The following LRRC4C variants were observed in gnomAD, a reference collection of about 807,000 sequenced individuals.
LRRC4C encodes leucine-rich repeat-containing protein 4C.
Under a neutral mutation model 33.6 loss-of-function variants are expected in LRRC4C, and 5 were observed. The observed-to-expected ratio is 0.15, with a 90% CI of 0.08 to 0.31. The LOEUF is 0.31. Among genes scored for constraint, LRRC4C ranks in the 10% least tolerant of loss-of-function variants. The pLI is 1.00. For missense variants in LRRC4C, 560 were observed against 796.7 expected (o/e 0.70, Z 3.58); for synonymous variants, 329 against 302.0 (o/e 1.09, Z -0.93).
chr11:40,559,994 G>A (rs1435507090), intron 3 of LRRC4C, among the ~76,000 whole-genome samples: 4 of 152,140 alleles, frequency 2.6e-5, no homozygotes, highest in Admixed American at 6.5e-5. Context: ...TCTCCTGAGT[G>A]TCTTGATCTT....
intron 2 of LRRC4C, among the ~76,000 whole-genome samples, chr11:40,897,954 C>T (rs1410478632): frequency 6.6e-6 from 1 of 152,162 alleles, no homozygotes; most frequent in Non-Finnish European, 1.5e-5. Flanking sequence ...GTTCCCAAAA[C>T]TGTTTATGCA....
intron 1 of LRRC4C, among the ~76,000 whole-genome samples, chr11:40,938,871 C>T (rs892311831): frequency 6.6e-6 from 1 of 152,160 alleles, no homozygotes; most frequent in Non-Finnish European, 1.5e-5. Context: ...CTTGCAAATG[C>T]ATCATTTTAG....
At chr11:40,235,991 A>G (rs1175715670) in intron 5 of LRRC4C, among the ~76,000 whole-genome samples, 1 of 152,132 alleles carries the variant, frequency 6.6e-6, no homozygotes, top group Non-Finnish European at 1.5e-5. Context: ...ATGCTGAGAC[A>G]TTATAAAGAA....
intron 3 of LRRC4C, among the ~76,000 whole-genome samples, chr11:40,646,950 T>C (rs1418007957): frequency 6.6e-6 from 1 of 152,192 alleles, no homozygotes; most frequent in Non-Finnish European, 1.5e-5. Context: ...TGAGTGGCTG[T>C]GTTTACCTCA....
intron 2 of LRRC4C, among the ~76,000 whole-genome samples, chr11:40,658,162 T>C (rs1943231950): frequency 6.6e-6 from 1 of 152,196 alleles, no homozygotes; most frequent in Non-Finnish European, 1.5e-5. Flanking sequence ...ATGTGTCCTT[T>C]ATATTATAGG....
chr11:40,831,622 C>T (rs1382882598), intron 2 of LRRC4C, among the ~76,000 whole-genome samples: 1 of 151,930 alleles, frequency 6.6e-6, no homozygotes, highest in Non-Finnish European at 1.5e-5. Context: ...ATACCCGAGA[C>T]TGGGTAAATT....
At chr11:41,296,217 G>C (rs1489861677) in intron 1 of LRRC4C, among the ~76,000 whole-genome samples, 2 of 152,150 alleles carry the variant, frequency 1.3e-5, no homozygotes, top group Non-Finnish European at 2.9e-5. Flanking sequence ...CTTCCGATAG[G>C]ATCTTCCCTG....
intron 5 of LRRC4C, among the ~76,000 whole-genome samples, chr11:40,221,438 A>T (rs1864411281): frequency 6.6e-6 from 1 of 152,132 alleles, no homozygotes; most frequent in Admixed American, 6.6e-5. Flanking sequence ...AATGGTGAAG[A>T]TGCTATTGGG....
At chr11:40,743,483 T>C (rs11036059) in intron 2 of LRRC4C, among the ~76,000 whole-genome samples, 5,236 of 152,132 alleles carry the variant, frequency 0.034, 308 homozygotes, top group African/African-American at 0.12. Context: ...GGGGAAAATC[T>C]CTTTCCTTGC....
At chr11:40,248,697 T>C (rs1866533971) in intron 4 of LRRC4C, among the ~76,000 whole-genome samples, 1 of 152,066 alleles carries the variant, frequency 6.6e-6, no homozygotes, top group African/African-American at 2.4e-5. Flanking sequence ...TAAGACCCTG[T>C]CTTGAAAAAT....
chr11:41,382,975 A>G (rs886332960), intron 1 of LRRC4C, among the ~76,000 whole-genome samples: 1 of 152,122 alleles, frequency 6.6e-6, no homozygotes, highest in Non-Finnish European at 1.5e-5. Context: ...TGCACATGCA[A>G]TGGGTAAGCA....
chr11:40,819,301 A>G (rs1397984459), intron 2 of LRRC4C, among the ~76,000 whole-genome samples: 1 of 152,092 alleles, frequency 6.6e-6, no homozygotes, highest in Non-Finnish European at 1.5e-5. Context: ...CTGGAAATAA[A>G]CCAAAGTCAT....
intron 3 of LRRC4C, among the ~76,000 whole-genome samples, chr11:40,365,906 A>G (rs1346010098): frequency 2.0e-5 from 3 of 152,086 alleles, no homozygotes; most frequent in Non-Finnish European, 4.4e-5. Context: ...ATATGAGAAT[A>G]CATATTACAT....
At chr11:40,927,892 G>A (rs751923536) in intron 2 of LRRC4C, among the ~76,000 whole-genome samples, 7 of 152,092 alleles carry the variant, frequency 4.6e-5, no homozygotes, top group East Asian at 1.9e-4. Context: ...AGACTACCAC[G>A]TATTCATTTT....
chr11:41,359,920 T>C (rs1453983638), intron 1 of LRRC4C, among the ~76,000 whole-genome samples: 1 of 152,164 alleles, frequency 6.6e-6, no homozygotes, highest in Non-Finnish European at 1.5e-5. Flanking sequence ...CGGTGACTCA[T>C]GCCTGTAACC....
chr11:40,421,131 T>C (rs1429542943), intron 3 of LRRC4C, among the ~76,000 whole-genome samples: 5 of 152,250 alleles, frequency 3.3e-5, no homozygotes, highest in Non-Finnish European at 2.9e-5. Flanking sequence ...TTGCCCAAGA[T>C]GAACCAAAGG....
At chr11:41,411,086 C>T (rs899904784) in intron 1 of LRRC4C, among the ~76,000 whole-genome samples, 9 of 149,174 alleles carry the variant, frequency 6.0e-5, no homozygotes, top group Admixed American at 1.3e-4. Context: ...AGATGGTTTC[C>T]GCATTGGAAG....
In LRRC4C at chr11:40,485,828, G is replaced by C. The variant is rs372458064; in HGVS notation, c.-270+162314C>G. Among the ~76,000 whole-genome samples the C allele has an allele frequency of 6.6e-5, 10 of 152,120 alleles. No individual in the cohort carries two copies. In the East Asian group the frequency reaches 1.9e-3, roughly 29 times the overall value. Reference sequence around the variant, plus strand: ...CGGAATACTGTACAGCCATAAAAAAGAATGAGATCATGCCCTTTGCAGTGA... The same window carrying C: ...CGGAATACTGTACAGCCATAAAAAACAATGAGATCATGCCCTTTGCAGTGA... On this transcript the variant is annotated intron_variant, in intron 3 of 6. Coordinates refer to ENST00000528697, the MANE Select transcript of LRRC4C (RefSeq NM_001258419.2).
At position 40,120,985 on chromosome 11, in the gene LRRC4C, T is replaced by C. The variant is rs369188716; in HGVS notation, c.-42-4651A>G. 5.8e-4 allele frequency among the ~76,000 whole-genome samples: 89 copies of C among 152,274 alleles called. 3 individuals carry two copies. In the South Asian group the frequency reaches 0.017, roughly 29 times the overall value. On this transcript the variant is annotated intron_variant, in intron 6 of 6. Coordinates refer to ENST00000528697, the MANE Select transcript of LRRC4C (RefSeq NM_001258419.2). ...TTTGGTTAGGACTGTCACATAATAC[T>C]GTGTTATGTAAAGTTACTGACTCAT...
Sources: allele counts gnomAD v4.1 joint callset (sites outside exome capture counted in the v4.1 genomes callset), GRCh38; gene constraint gnomAD v4.1.1; transcripts MANE v1.5; gene names NCBI Gene and HGNC (gene_info 2026-07-23, HGNC 2026-07-21).